MAP2K5: variants seen among roughly 807,000 people sequenced by gnomAD.
The protein encoded by MAP2K5 is dual specificity mitogen-activated protein kinase kinase 5.
In MAP2K5, 49 loss-of-function variants were observed where a neutral mutation model predicts 83.1. The ratio of observed to expected loss-of-function variants is 0.59; its 90% CI spans 0.47 to 0.75. The LOEUF is 0.75. MAP2K5 is among the 30% of genes least tolerant of loss of function. The pLI is 0.00. For missense variants in MAP2K5, 457 were observed against 557.5 expected, an observed-to-expected ratio of 0.82 and a Z score of 1.82; for synonymous variants, 202 against 191.8, an observed-to-expected ratio of 1.05 and a Z score of -0.44.
At chr15:67,714,835 T>G (rs1371034558) in intron 16 of MAP2K5, among the ~76,000 whole-genome samples, 1 of 152,144 alleles carries the variant, frequency 6.6e-6, no homozygotes, top group Non-Finnish European at 1.5e-5. Context: ...TTGGGGATGC[T>G]GGTAAGTATA....
Position 67,692,712 on chromosome 15 carries a change from C to T in MAP2K5, c.921+160C>T, listed in dbSNP as rs566462234. Among the ~76,000 whole-genome samples the T allele has an allele frequency of 2.5e-4, 38 of 152,238 alleles. No homozygotes were observed. The highest frequency in any genetic ancestry group is 6.2e-4 in the South Asian group (3 of 4,824). Reference sequence around the variant, plus strand: ...GTGTTATTCATTTTTAATCTCTGAGCGAGTTTCCTTCATCAGAATATGATT... The same window carrying T: ...GTGTTATTCATTTTTAATCTCTGAGTGAGTTTCCTTCATCAGAATATGATT... On this transcript the variant is annotated intron_variant, in intron 14 of 21. Coordinates refer to ENST00000178640, the MANE Select transcript of MAP2K5 (RefSeq NM_145160.3).
At chr15:67,612,033 G>C (rs1262855047) in intron 8 of MAP2K5, among the ~76,000 whole-genome samples, 27 of 148,626 alleles carry the variant, frequency 1.8e-4, no homozygotes, top group Admixed American at 1.8e-3. Flanking sequence ...ACCTCAGTCA[G>C]TTCAACACAT....
intron 17 of MAP2K5, among the ~76,000 whole-genome samples, chr15:67,744,692 G>A (rs1490134082): frequency 6.6e-6 from 1 of 152,222 alleles, no homozygotes; most frequent in Non-Finnish European, 1.5e-5. Context: ...AAAGCATAAA[G>A]TGAGACTTCC....
At chr15:67,648,303 T>A (rs1260952415) in intron 11 of MAP2K5, among the ~76,000 whole-genome samples, 1 of 152,214 alleles carries the variant, frequency 6.6e-6, no homozygotes, top group Admixed American at 6.5e-5. Context: ...ATTCTGGACA[T>A]TCCATATAAA....
chr15:67,739,443 TATATATATATATATATATA>T (rs1403117963), intron 17 of MAP2K5, among the ~76,000 whole-genome samples: 182 of 13,898 alleles, frequency 0.013, 3 homozygotes, highest in African/African-American at 0.057. Context: ...TATATATATA[TATATATATATATATATATA>T]TTTTTTTTTT....
intron 8 of MAP2K5, among the ~76,000 whole-genome samples, chr15:67,624,338 C>CA (rs755739176): frequency 0.011 from 875 of 78,328 alleles, 47 homozygotes; most frequent in Admixed American, 0.071. Flanking sequence ...GACTCCGTCT[C>CA]AAAAAAAAAA....
chr15:67,571,769 G>A (rs2084950578), intron 3 of MAP2K5, among the ~76,000 whole-genome samples: 1 of 152,096 alleles, frequency 6.6e-6, no homozygotes. Context: ...CACACAGCTA[G>A]TCAATAGAGA....
Position 67,774,226 on chromosome 15 carries a change from T to C in MAP2K5, c.1242+1474T>C, listed in dbSNP as rs2090198171. ...GTGAGAGAACATAGGTATTTAGATA[T>C]ATCTCTTTACAACTCTATACCCTGT... On this transcript the variant is annotated intron_variant, in intron 21 of 21. Transcript: ENST00000178640. The surrounding 1 kb of genome is among the most constrained non-coding windows in gnomAD (Gnocchi z 4.9). Among the ~76,000 whole-genome samples the C allele has an allele frequency of 1.3e-5, 2 of 152,114 alleles. No homozygotes were observed. Among genetic ancestry groups the C allele is most frequent in the Non-Finnish European group, 2.9e-5 (2 of 68,026 alleles).
Position 67,720,890 on chromosome 15 carries a change from T to C in MAP2K5, c.1045-7026T>C, listed in dbSNP as rs1211748506. 3.3e-5 allele frequency among the ~76,000 whole-genome samples: 5 copies of C among 152,312 alleles called. No homozygotes were observed. The South Asian group carries it at 1.0e-3, about 32-fold the overall frequency. ...GTGAAGATTGTGAACTAAGCTGCAA[T>C]AAAGTGTAAGTTTAGGTACAGTTTG... is the stretch of plus-strand genomic sequence containing the variant. On this transcript the variant is annotated intron_variant, in intron 16 of 21. Transcript: ENST00000178640. This position sits in a 1 kb window ranked among gnomAD's most constrained non-coding sequence, Gnocchi z 5.7.
chr15:67,628,900 G>T (rs1596680177), intron 8 of MAP2K5: 1 of 750,246 alleles, frequency 1.3e-6, no homozygotes. Flanking sequence ...GGGATGGATG[G>T]CTATAATGGA....
At chr15:67,704,065 G>A (rs2088490394) in intron 16 of MAP2K5, among the ~76,000 whole-genome samples, 1 of 152,092 alleles carries the variant, frequency 6.6e-6, no homozygotes, top group African/African-American at 2.4e-5. Flanking sequence ...TGTTCTAGAT[G>A]TAGCTCCATT....
chr15:67,590,981 A>G (rs2085396582), intron 6 of MAP2K5, among the ~76,000 whole-genome samples: 1 of 152,100 alleles, frequency 6.6e-6, no homozygotes, highest in Non-Finnish European at 1.5e-5. Flanking sequence ...GGGGGAGGGT[A>G]TGGTAGGAAG....
rs535722775 is a variant in MAP2K5 at position 67,785,760 on chromosome 15, G to A, written c.1242+13008G>A. Among the ~76,000 whole-genome samples the A allele has an allele frequency of 1.3e-5, 2 of 152,350 alleles. No individual in the cohort carries two copies. Among genetic ancestry groups the A allele is most frequent in the Admixed American group, 6.5e-5 (1 of 15,306 alleles). On this transcript the variant is annotated intron_variant, in intron 21 of 21. Coordinates refer to ENST00000178640, the MANE Select transcript of MAP2K5 (RefSeq NM_145160.3). This position sits in a 1 kb window ranked among gnomAD's most constrained non-coding sequence, Gnocchi z 4.4. ...TGACAACTGGCAGGATGTGTTGTGC[G>A]TAAAGCCTGGAGAGGCTAAGGATGG...
At chr15:67,767,390 C>T (rs1191376943) in intron 19 of MAP2K5, among the ~76,000 whole-genome samples, 6 of 152,170 alleles carry the variant, frequency 3.9e-5, no homozygotes, top group African/African-American at 1.2e-4. Flanking sequence ...TATTGAACGA[C>T]ATTAAGATAG....
In MAP2K5 at chr15:67,807,078, T is replaced by A. The variant is rs976605348; in HGVS notation, c.*328T>A. 5.0e-5 allele frequency: 37 copies of A among 742,060 alleles called. No homozygotes were observed. Among genetic ancestry groups the A allele is most frequent in the Non-Finnish European group, 7.3e-5 (37 of 507,556 alleles). The allele number at this position is 742,060 out of a possible 1,614,324, so 46.0% of individuals were successfully genotyped here. A position where few individuals can be genotyped will look rare whatever the true frequency, so the allele number is the denominator to read the frequency against. On this transcript the variant is annotated 3_prime_UTR_variant, in exon 22 of 22. Transcript: ENST00000178640. This position sits in a 1 kb window ranked among gnomAD's most constrained non-coding sequence, Gnocchi z 5.1. ...CTATAAAGGGTCAGGCCCGTCAGCA[T>A]CACTGATGGGAATAAAAGTATTAAT...
intron 3 of MAP2K5, among the ~76,000 whole-genome samples, chr15:67,574,243 A>G (rs1452490378): frequency 6.6e-6 from 1 of 152,162 alleles, no homozygotes; most frequent in African/African-American, 2.4e-5. Context: ...GTGAGAAGTT[A>G]ACAGATTTGA....
At chr15:67,662,312 A>G (rs1233002817) in intron 12 of MAP2K5, among the ~76,000 whole-genome samples, 2 of 152,284 alleles carry the variant, frequency 1.3e-5, no homozygotes, top group African/African-American at 2.4e-5. Flanking sequence ...TCCTTGATCA[A>G]CTAGAATTCT....
intron 16 of MAP2K5, among the ~76,000 whole-genome samples, chr15:67,725,196 T>C (rs868544878): frequency 6.6e-6 from 1 of 152,076 alleles, no homozygotes; most frequent in Non-Finnish European, 1.5e-5. Flanking sequence ...TTGTCTTGCA[T>C]GGCATTGTCT....
chr15:67,709,762 A>G (rs2088644466), intron 16 of MAP2K5, among the ~76,000 whole-genome samples: 1 of 152,236 alleles, frequency 6.6e-6, no homozygotes, highest in African/African-American at 2.4e-5. Flanking sequence ...CATATCTGCA[A>G]AAGTGAATTT....
Sources: gnomAD v4.1 joint callset for allele counts (sites outside exome capture counted in the v4.1 genomes callset) on GRCh38, gnomAD v4.1.1 for gene constraint, Gnocchi (gnomAD v3.1) non-coding constraint, MANE v1.5 for transcripts, NCBI Gene and HGNC (gene_info 2026-07-23, HGNC 2026-07-21) for gene names.